MGST1: variants seen among roughly 807,000 people sequenced by gnomAD.
MGST1 encodes the protein microsomal glutathione S-transferase 1.
MGST1 carries 5 observed loss-of-function variants against 8.9 expected under a neutral mutation model. The observed-to-expected ratio is 0.56, with a 90% CI of 0.29 to 1.19. MGST1 has a LOEUF of 1.19. MGST1 is among the 50% of genes most tolerant of loss of function. MGST1 has a pLI of 0.08. For missense variants in MGST1, 182 were observed against 187.4 expected (o/e 0.97, Z 0.17); for synonymous variants, 54 against 67.8 (o/e 0.80, Z 1.00).
chr12:16,472,053 C>G (rs1941292470), intron 4 of MGST1, among the ~76,000 whole-genome samples: 2 of 152,092 alleles, frequency 1.3e-5, no homozygotes, highest in Admixed American at 6.6e-5. Context: ...TTCACTTTGT[C>G]CTCTGCTAGT....
intron 1 of MGST1, among the ~76,000 whole-genome samples, chr12:16,402,980 A>C (rs1378343604): frequency 6.6e-6 from 1 of 150,534 alleles, no homozygotes; most frequent in Non-Finnish European, 1.5e-5. Flanking sequence ...TATTAAATAA[A>C]TTATCTAGTA....
intron 4 of MGST1, among the ~76,000 whole-genome samples, chr12:16,471,990 C>T (rs1941292190): frequency 6.6e-6 from 1 of 151,958 alleles, no homozygotes; most frequent in South Asian, 2.1e-4. Context: ...CACACATTTC[C>T]CCAGTGCTCC....
chr12:16,590,396 T>C (rs1422837277), downstream of MGST1, among the ~76,000 whole-genome samples: 1 of 152,044 alleles, frequency 6.6e-6, no homozygotes, highest in Non-Finnish European at 1.5e-5. Flanking sequence ...AAGTGCTGGA[T>C]TTAGAAACAT....
At chr12:16,552,195 G>A (rs1241326456) in intron 4 of MGST1, among the ~76,000 whole-genome samples, 3 of 151,896 alleles carry the variant, frequency 2.0e-5, no homozygotes, top group Non-Finnish European at 4.4e-5. Context: ...TCTGTTTCTG[G>A]TACATTTAAC....
chr12:16,515,562 G>A lies in MGST1; in HGVS notation n.483-73966G>A, dbSNP rs557926545. On this transcript the variant is annotated intron_variant and non_coding_transcript_variant, in intron 4 of 4. Coordinates refer to the MGST1 transcript ENST00000538857. ...GGAGAATCGCTTGAACTGGGGAGGC[G>A]GAGGGTGCAGTGAGCCAAGATCGTG... is the stretch of plus-strand genomic sequence containing the variant. Among the ~76,000 whole-genome samples the A allele has an allele frequency of 4.0e-5, 6 of 151,356 alleles. No homozygotes were observed. In the South Asian group the frequency reaches 6.2e-4, roughly 16 times the overall value.
At chr12:16,441,762 C>A (rs1176753675), downstream of MGST1, among the ~76,000 whole-genome samples, 2 of 151,730 alleles carry the variant, frequency 1.3e-5, no homozygotes, top group African/African-American at 4.8e-5. Flanking sequence ...TTGGTTGATT[C>A]CAAGTTCTGG....
chr12:16,354,438 T>G (rs1939617897), intron 2 of MGST1, 60 bp downstream of exon 2: 1 of 1,526,834 alleles, frequency 6.5e-7, no homozygotes, highest in Admixed American at 2.3e-5. Flanking sequence ...GGAGAGCAGT[T>G]TTCTTAATTT....
chr12:16,585,756 G>C lies in MGST1; in HGVS notation n.483-3772G>C, dbSNP rs1047490963. On this transcript the variant is annotated intron_variant and non_coding_transcript_variant, in intron 4 of 4. Transcript: ENST00000538857. This position sits in a 1 kb window ranked among gnomAD's most constrained non-coding sequence, Gnocchi z 4.7. ...AAATATGGGTGAGAAATTACAAAAG[G>C]CTGGAGAATCAATTAACATATATAC... 2.0e-4 allele frequency among the ~76,000 whole-genome samples: 30 copies of C among 152,164 alleles called. No homozygotes were observed. Among genetic ancestry groups the C allele is most frequent in the South Asian group, 2.1e-4 (1 of 4,830 alleles).
intron 2 of MGST1, among the ~76,000 whole-genome samples, chr12:16,355,302 G>C (rs1182118288): frequency 6.7e-6 from 1 of 149,980 alleles, no homozygotes; most frequent in Non-Finnish European, 1.5e-5. Flanking sequence ...TCTGCCTCCT[G>C]GGTTCAAGTG....
At chr12:16,525,269 A>G (rs568973204) in intron 4 of MGST1, among the ~76,000 whole-genome samples, 2 of 146,552 alleles carry the variant, frequency 1.4e-5, no homozygotes, top group South Asian at 4.6e-4. Flanking sequence ...AGCATTAGGT[A>G]TATCTCCCAA....
intron 1 of MGST1, among the ~76,000 whole-genome samples, chr12:16,427,430 T>C (rs1211515246): frequency 6.6e-6 from 1 of 152,214 alleles, no homozygotes; most frequent in Non-Finnish European, 1.5e-5. Flanking sequence ...TCACCCAGGC[T>C]GAAGTACAGT....
At chr12:16,536,844 G>A (rs555550902) in intron 4 of MGST1, among the ~76,000 whole-genome samples, 8 of 152,150 alleles carry the variant, frequency 5.3e-5, no homozygotes, top group Non-Finnish European at 2.9e-5. Flanking sequence ...CCCACAACAT[G>A]TGGGAATTAT....
rs969623398 is a variant in MGST1 at position 16,537,650 on chromosome 12, C to T, written n.483-51878C>T. On this transcript the variant is annotated intron_variant and non_coding_transcript_variant, in intron 4 of 4. Coordinates refer to the MGST1 transcript ENST00000538857. The surrounding 1 kb of genome is among the most constrained non-coding windows in gnomAD (Gnocchi z 4.6). ...CAAACCTCAATTCTTGACTTCTGTG[C>T]ACCTGCAGACTCAACACCATGTGAA... Among the ~76,000 whole-genome samples the T allele has an allele frequency of 6.6e-6, 1 of 152,208 alleles. No homozygotes were observed. Among genetic ancestry groups the T allele is most frequent in the South Asian group, 2.1e-4 (1 of 4,834 alleles).
intron 4 of MGST1, among the ~76,000 whole-genome samples, chr12:16,551,838 G>GTGAT (rs1466412809): frequency 6.6e-6 from 1 of 151,942 alleles, no homozygotes; most frequent in Admixed American, 6.6e-5. Context: ...TTATTAAAAT[G>GTGAT]TGATTAAATG....
Position 16,560,577 on chromosome 12 carries a change from A to G in MGST1, n.483-28951A>G. The G allele has an allele frequency of 6.3e-7, 1 of 1,582,368 alleles. No homozygotes were observed. Among genetic ancestry groups the G allele is most frequent in the South Asian group, 1.1e-5 (1 of 88,542 alleles). On this transcript the variant is annotated intron_variant and non_coding_transcript_variant, in intron 4 of 4. Transcript: ENST00000538857. This position sits in a 1 kb window ranked among gnomAD's most constrained non-coding sequence, Gnocchi z 5.0. ...CATTTTTTTTTTTTTACAAACTCTT[A>G]CAGAGAAATCTGAGATCGTGAAGAG...
At chr12:16,425,890 C>A (rs181129358) in intron 1 of MGST1, among the ~76,000 whole-genome samples, 5 of 152,310 alleles carry the variant, frequency 3.3e-5, no homozygotes, top group Admixed American at 6.5e-5. Context: ...TTCTCTCAAC[C>A]CAGGGAGTTA....
chr12:16,490,968 G>T (rs1322283271), intron 4 of MGST1, among the ~76,000 whole-genome samples: 1 of 152,142 alleles, frequency 6.6e-6, no homozygotes, highest in East Asian at 1.9e-4. Flanking sequence ...TCCATTTATT[G>T]CTTCTCAGCT....
At chr12:16,378,550 C>G (rs1017432233), downstream of MGST1, among the ~76,000 whole-genome samples, 26 of 151,810 alleles carry the variant, frequency 1.7e-4, no homozygotes, top group Admixed American at 1.2e-3. Flanking sequence ...GTTACTGTAG[C>G]CTTGTAGTAT....
At chr12:16,572,418 ATCTT>A (rs1942848368) in intron 4 of MGST1, among the ~76,000 whole-genome samples, 1 of 109,862 alleles carries the variant, frequency 9.1e-6, no homozygotes, top group Non-Finnish European at 1.8e-5. Flanking sequence ...ATGTGTATCT[ATCTT>A]CTTTATTAAA....
Sources: gnomAD v4.1 joint callset for allele counts (sites outside exome capture counted in the v4.1 genomes callset) on GRCh38, gnomAD v4.1.1 for gene constraint, Gnocchi (gnomAD v3.1) non-coding constraint, MANE v1.5 for transcripts, NCBI Gene and HGNC (gene_info 2026-07-23, HGNC 2026-07-21) for gene names.